The following ZNF536 variants were observed in gnomAD, a reference collection of about 807,000 sequenced individuals.
ZNF536 encodes the protein zinc finger protein 536.
A neutral mutation model predicts 84.5 loss-of-function variants in ZNF536; 13 were observed. The observed-to-expected ratio is 0.15, with a 90% CI of 0.10 to 0.24. ZNF536 has a LOEUF of 0.24. Among genes scored for constraint, ZNF536 ranks in the 10% least tolerant of loss-of-function variants. ZNF536 has a pLI of 1.00. For synonymous variants in ZNF536, 811 were observed against 742.5 expected (o/e 1.09, Z -1.50); for missense variants, 1,536 against 1,747.5 (o/e 0.88, Z 2.16).
Position 30,458,447 on chromosome 19 carries a change from G to GTTTTTTTTTTTTTTTTTTTTT in ZNF536, c.2170+12718_2170+12738dup, listed in dbSNP as rs3084731. On this transcript the variant is annotated intron_variant, in intron 2 of 4. Coordinates refer to ENST00000355537, the MANE Select transcript of ZNF536 (RefSeq NM_014717.3). ...CCAAGTATTTCCTCAATTTCCTGCT[G>GTTTTTTTTTTTTTTTTTTTTT]TTTTTTTTTTTTTTTTTTTTTTTGA... Among the ~76,000 whole-genome samples the GTTTTTTTTTTTTTTTTTTTTT allele has an allele frequency of 1.2e-4, 10 of 83,490 alleles. 2 individuals are homozygous for GTTTTTTTTTTTTTTTTTTTTT. Among genetic ancestry groups the GTTTTTTTTTTTTTTTTTTTTT allele is most frequent in the African/African-American group, 5.0e-4 (9 of 17,910 alleles). The allele number at this position is 83,490 out of a possible 152,430, so 54.8% of individuals were successfully genotyped here. A position where few individuals can be genotyped will look rare whatever the true frequency, so the allele number is the denominator to read the frequency against.
chr19:30,429,731 CTGGTGTGCAG>C (rs1194448767), intron 1 of ZNF536, among the ~76,000 whole-genome samples: 2 of 152,008 alleles, frequency 1.3e-5, no homozygotes, highest in Non-Finnish European at 2.9e-5. Context: ...GGCACCGTGC[CTGGTGTGCAG>C]TGGAGAGTCA....
At chr19:30,606,390 T>C (rs2047893062) in intron 1 of ZNF536, among the ~76,000 whole-genome samples, 1 of 152,136 alleles carries the variant, frequency 6.6e-6, no homozygotes, top group African/African-American at 2.4e-5. Flanking sequence ...TTTTAGATGC[T>C]ACATGCTTTC....
At chr19:30,405,096 A>G (rs186992114) in intron 1 of ZNF536, among the ~76,000 whole-genome samples, 2 of 152,278 alleles carry the variant, frequency 1.3e-5, no homozygotes, top group African/African-American at 4.8e-5. Flanking sequence ...CTGTCCGGGA[A>G]CCTCAAGGCA....
At chr19:30,335,319 T>G (rs1274510630) in intron 2 of ZNF536, among the ~76,000 whole-genome samples, 1 of 152,070 alleles carries the variant, frequency 6.6e-6, no homozygotes, top group Non-Finnish European at 1.5e-5. Context: ...AAAATAACCG[T>G]GCATATGAGA....
chr19:30,572,765 C>T (rs2046595865), intron 1 of ZNF536, among the ~76,000 whole-genome samples: 1 of 152,138 alleles, frequency 6.6e-6, no homozygotes, highest in Admixed American at 6.5e-5. Context: ...AGAGCTGGAC[C>T]TTCACATGAG....
At chr19:30,541,967 A>G (rs543898562) in intron 3 of ZNF536, among the ~76,000 whole-genome samples, 1 of 152,350 alleles carries the variant, frequency 6.6e-6, no homozygotes, top group African/African-American at 2.4e-5. Context: ...CAAAGACACC[A>G]CCATATTTAT....
At chr19:30,412,557 C>G (rs1046788839) in intron 1 of ZNF536, among the ~76,000 whole-genome samples, 1 of 151,954 alleles carries the variant, frequency 6.6e-6, no homozygotes, top group African/African-American at 2.4e-5. Flanking sequence ...GTTCATTTCA[C>G]TAATATTTTA....
At chr19:30,457,057 C>A (rs950051565) in intron 2 of ZNF536, among the ~76,000 whole-genome samples, 116 of 131,448 alleles carry the variant, frequency 8.8e-4, no homozygotes, top group African/African-American at 1.6e-3. Context: ...AAAAAAAAAA[C>A]AAAAAAAAAG....
At chr19:30,626,320 T>A (rs189878578) in intron 1 of ZNF536, among the ~76,000 whole-genome samples, 237 of 152,298 alleles carry the variant, frequency 1.6e-3, no homozygotes, top group South Asian at 3.5e-3. Context: ...ATCTTCTATA[T>A]TTTTGCCAGA....
chr19:30,370,415 G>A (rs903412778), upstream of ZNF536, among the ~76,000 whole-genome samples: 17 of 152,058 alleles, frequency 1.1e-4, no homozygotes, highest in Admixed American at 3.9e-4. Flanking sequence ...GAACCAATGC[G>A]CCATAAACAT....
intron 1 of ZNF536, among the ~76,000 whole-genome samples, chr19:30,693,088 G>A (rs1378758417): frequency 6.6e-6 from 1 of 152,096 alleles, no homozygotes; most frequent in African/African-American, 2.4e-5. Context: ...TGCTACTAGT[G>A]TGTGCTTGCA....
At chr19:30,659,770 G>C (rs532411772) in intron 1 of ZNF536, among the ~76,000 whole-genome samples, 11 of 150,850 alleles carry the variant, frequency 7.3e-5, no homozygotes, top group African/African-American at 2.5e-4. Context: ...ATTACAATTT[G>C]AGGTGAAATT....
At chr19:30,647,006 C>T (rs537676991) in intron 1 of ZNF536, among the ~76,000 whole-genome samples, 30 of 152,302 alleles carry the variant, frequency 2.0e-4, no homozygotes, top group Non-Finnish European at 8.8e-5. Flanking sequence ...CCACCACACT[C>T]ACACCCAAAC....
At chr19:30,560,863 T>C (rs528390088), downstream of ZNF536, among the ~76,000 whole-genome samples, 2 of 152,392 alleles carry the variant, frequency 1.3e-5, no homozygotes, top group African/African-American at 4.8e-5. Flanking sequence ...TCGGCAGCAG[T>C]GCATTGGCAA....
chr19:30,663,925 G>A (rs1401608550), intron 1 of ZNF536, among the ~76,000 whole-genome samples: 1 of 152,146 alleles, frequency 6.6e-6, no homozygotes, highest in Non-Finnish European at 1.5e-5. Context: ...CCCCTCTCTG[G>A]AATGAACAAC....
chr19:30,693,023 G>GA (rs933138571), intron 1 of ZNF536, among the ~76,000 whole-genome samples: 6 of 148,360 alleles, frequency 4.0e-5, no homozygotes, highest in African/African-American at 7.4e-5. Context: ...AACCTGGGGG[G>GA]GAGAGAGAGA....
chr19:30,263,330 G>A (rs149482224), intron 1 of ZNF536, among the ~76,000 whole-genome samples: 136 of 152,216 alleles, frequency 8.9e-4, no homozygotes, highest in African/African-American at 3.1e-3. Flanking sequence ...TCTGGAACCC[G>A]GAGCCCCTAC....
intron 1 of ZNF536, among the ~76,000 whole-genome samples, chr19:30,697,735 AGT>A (rs1254181519): frequency 1.3e-5 from 2 of 152,208 alleles, no homozygotes; most frequent in Admixed American, 6.5e-5. Context: ...CTAGCAGGGC[AGT>A]GGCGATTTCT....
chr19:30,570,984 C>A (rs2046525057), intron 1 of ZNF536, among the ~76,000 whole-genome samples: 1 of 152,168 alleles, frequency 6.6e-6, no homozygotes, highest in African/African-American at 2.4e-5. Flanking sequence ...GTCAGCTGCC[C>A]CCCAGCTCCT....
Sources: gnomAD v4.1 joint callset for allele counts (sites outside exome capture counted in the v4.1 genomes callset) on GRCh38, gnomAD v4.1.1 for gene constraint, MANE v1.5 for transcripts, NCBI Gene and HGNC (gene_info 2026-07-23, HGNC 2026-07-21) for gene names.